Variants in KIF21A observed in about 807,000 individuals in gnomAD.
The protein encoded by KIF21A is kinesin family member 21A.
In KIF21A, 114 loss-of-function variants were observed where a neutral mutation model predicts 202.9. That is an observed-to-expected ratio of 0.56 (90% CI 0.48 to 0.66). The LOEUF (loss-of-function observed/expected upper bound fraction) is 0.66, where lower values mean the gene tolerates loss of function less well. Among genes scored for constraint, KIF21A ranks in the 30% least tolerant of loss-of-function variants. KIF21A has a pLI of 0.00. For synonymous variants in KIF21A, 667 were observed against 670.8 expected, an observed-to-expected ratio of 0.99 and a Z score of 0.09; for missense variants, 1,677 against 1,994.9, an observed-to-expected ratio of 0.84 and a Z score of 3.04.
At chr12:39,343,229 G>A (rs1344069042) in intron 12 of KIF21A, among the ~76,000 whole-genome samples, 2 of 152,034 alleles carry the variant, frequency 1.3e-5, no homozygotes, top group East Asian at 1.9e-4. Context: ...GCATAGTGAC[G>A]CACACTTGTA....
At chr12:39,321,318 T>C (rs1356041593) in intron 27 of KIF21A, 1 of 152,198 alleles carries the variant, frequency 6.6e-6, no homozygotes, top group African/African-American at 2.4e-5. Flanking sequence ...AAGGATACAT[T>C]TTTAAAATGT....
chr12:39,402,843 A>C (rs1342657501), intron 1 of KIF21A, among the ~76,000 whole-genome samples: 3 of 152,196 alleles, frequency 2.0e-5, no homozygotes, highest in African/African-American at 7.2e-5. Context: ...GACCCAGGGA[A>C]GCCAAAAGAC....
chr12:39,416,723 GTACATATATATGTGTA>G (rs1953712476), intron 1 of KIF21A, among the ~76,000 whole-genome samples: 2 of 82,566 alleles, frequency 2.4e-5, no homozygotes, highest in South Asian at 7.3e-4. Flanking sequence ...GTGTATATAT[GTACATATATATGTGTA>G]TATATATATG....
At chr12:39,302,898 GTTC>G in intron 36 of KIF21A, 64 bp downstream of exon 36, 1 of 1,338,800 alleles carries the variant, frequency 7.5e-7, no homozygotes, top group Admixed American at 1.7e-5. Flanking sequence ...AGCTCTTCAA[GTTC>G]TTCTACAGGC....
chr12:39,385,363 G>A (rs1259695555), intron 1 of KIF21A, among the ~76,000 whole-genome samples: 1 of 152,112 alleles, frequency 6.6e-6, no homozygotes, highest in African/African-American at 2.4e-5. Flanking sequence ...ATCACTGGAT[G>A]CTAATGGATA....
At chr12:39,351,532 T>C (rs1045320529) in intron 11 of KIF21A, among the ~76,000 whole-genome samples, 1 of 152,054 alleles carries the variant, frequency 6.6e-6, no homozygotes, top group Non-Finnish European at 1.5e-5. Context: ...TAATTTATAA[T>C]AGTAATTTTA....
Position 39,315,253 on chromosome 12 carries a change from A to G in KIF21A, c.3948-13T>C. 37 of 1,611,816 alleles carry G rather than the reference A, an allele frequency of 2.3e-5. No homozygotes were observed. Among genetic ancestry groups the G allele is most frequent in the Non-Finnish European group, 3.1e-5 (37 of 1,178,342 alleles). ...CCTTCTGGAGGATCTGCTGATGATC[A>G]GCAAAAATGGCCATAAAACAAGGAA... is the stretch of plus-strand genomic sequence containing the variant. On this transcript the variant is annotated splice_polypyrimidine_tract_variant and intron_variant, in intron 30 of 37. Coordinates refer to ENST00000361418, the MANE Select transcript of KIF21A (RefSeq NM_001173464.2).
intron 10 of KIF21A, 107 bp from the exon 11 acceptor site, chr12:39,352,087 CACT>C: frequency 1.2e-6 from 1 of 839,440 alleles, no homozygotes; most frequent in Admixed American, 2.0e-5. Context: ...AGCTCTGTAG[CACT>C]AAGCAAATCT....
intron 1 of KIF21A, among the ~76,000 whole-genome samples, chr12:39,397,045 G>A (rs531107895): frequency 6.6e-6 from 1 of 152,310 alleles, no homozygotes; most frequent in Admixed American, 6.5e-5. Flanking sequence ...GTAGTTGCCT[G>A]AGACCGACTA....
intron 33 of KIF21A, among the ~76,000 whole-genome samples, chr12:39,308,930 C>G (rs1215659244): frequency 6.6e-6 from 1 of 152,132 alleles, no homozygotes; most frequent in East Asian, 1.9e-4. Context: ...CTTTCTTATG[C>G]TCCCTTCTCT....
chr12:39,441,278 G>A (rs770665019), intron 1 of KIF21A, among the ~76,000 whole-genome samples: 13 of 152,072 alleles, frequency 8.5e-5, no homozygotes, highest in East Asian at 1.9e-4. Flanking sequence ...AAGAAGCATC[G>A]GATTTAACAG....
rs1371324196 is a variant in KIF21A at position 39,442,911 on chromosome 12, G to A, written c.44+16C>T. On this transcript the variant is annotated intron_variant, in intron 1 of 37. Coordinates refer to ENST00000361418, the MANE Select transcript of KIF21A (RefSeq NM_001173464.2). The surrounding 1 kb of genome is among the most constrained non-coding windows in gnomAD (Gnocchi z 5.0). ...AACCCGCCGCCCGCCGCCCGCCGCC[G>A]GCAGACTGTCCTCACCTGACAGCCA... 165 of 1,523,666 alleles carry A rather than the reference G, an allele frequency of 1.1e-4. No homozygotes were observed. The highest frequency in any genetic ancestry group is 1.4e-4 in the Non-Finnish European group (161 of 1,142,390). 94.4% of individuals were successfully genotyped at this position (1,523,666 alleles called of 1,614,324 possible).
intron 1 of KIF21A, among the ~76,000 whole-genome samples, chr12:39,423,438 C>T (rs751324397): frequency 6.2e-4 from 94 of 152,068 alleles, no homozygotes; most frequent in Non-Finnish European, 1.3e-3. Flanking sequence ...GTCTTCTCCT[C>T]GCCACTGATA....
At chr12:39,441,114 GCTTA>G (rs1299105219) in intron 1 of KIF21A, among the ~76,000 whole-genome samples, 1 of 152,108 alleles carries the variant, frequency 6.6e-6, no homozygotes, top group Non-Finnish European at 1.5e-5. Flanking sequence ...TTACAATATG[GCTTA>G]CTAAGTTATG....
chr12:39,373,765 T>G (rs1351299320), intron 1 of KIF21A, among the ~76,000 whole-genome samples: 2 of 152,220 alleles, frequency 1.3e-5, no homozygotes, highest in Non-Finnish European at 2.9e-5. Flanking sequence ...GATGCTAATG[T>G]CACTCAGAAT....
intron 1 of KIF21A, among the ~76,000 whole-genome samples, chr12:39,392,980 A>C (rs1339496370): frequency 6.7e-6 from 1 of 149,046 alleles, no homozygotes; most frequent in East Asian, 1.9e-4. Flanking sequence ...GAAAATATAT[A>C]CTATAAATGA....
chr12:39,333,878 C>T (rs552428043), intron 17 of KIF21A, among the ~76,000 whole-genome samples: 1 of 151,396 alleles, frequency 6.6e-6, no homozygotes, highest in Non-Finnish European at 1.5e-5. Flanking sequence ...ATTCTACAGG[C>T]ATATAATTTA....
At chr12:39,396,729 T>C (rs1316580933) in intron 1 of KIF21A, among the ~76,000 whole-genome samples, 1 of 152,184 alleles carries the variant, frequency 6.6e-6, no homozygotes, top group African/African-American at 2.4e-5. Flanking sequence ...AAGACATATG[T>C]AATGTCTTTG....
chr12:39,303,568 T>C (rs902191918), intron 35 of KIF21A, among the ~76,000 whole-genome samples: 9 of 152,244 alleles, frequency 5.9e-5, no homozygotes, highest in Admixed American at 4.6e-4. Flanking sequence ...TGCCCTTTTT[T>C]TCACACTACT....
Sources: allele counts gnomAD v4.1 joint callset (sites outside exome capture counted in the v4.1 genomes callset), GRCh38; gene constraint gnomAD v4.1.1; non-coding constraint Gnocchi (gnomAD v3.1); transcripts MANE v1.5; gene names NCBI Gene and HGNC (gene_info 2026-07-23, HGNC 2026-07-21).